SSBP2: variants seen among roughly 807,000 people sequenced by gnomAD.
The protein encoded by SSBP2 is single stranded DNA binding protein 2.
A neutral mutation model predicts 61.8 loss-of-function variants in SSBP2; 17 were observed. That is an observed-to-expected ratio of 0.28 (90% CI 0.19 to 0.41). The LOEUF is 0.41. Ranked by LOEUF, SSBP2 falls within the 10% of genes least tolerant of loss-of-function variation. The pLI is 1.00. For synonymous variants in SSBP2, 139 were observed against 141.3 expected (o/e 0.98, Z 0.12); for missense variants, 310 against 458.7 (o/e 0.68, Z 2.96).
intron 10 of SSBP2, among the ~76,000 whole-genome samples, chr5:81,455,899 T>C (rs1190931530): frequency 6.6e-6 from 1 of 152,174 alleles, no homozygotes; most frequent in Non-Finnish European, 1.5e-5. Flanking sequence ...TGAGTCCCAA[T>C]ACCCATGATT....
At chr5:81,535,351 A>G (rs2154110985) in intron 4 of SSBP2, among the ~76,000 whole-genome samples, 1 of 152,236 alleles carries the variant, frequency 6.6e-6, no homozygotes, top group East Asian at 1.9e-4. Flanking sequence ...TCAAGATGTC[A>G]GTTCTTCCTG....
At chr5:81,484,974 C>A (rs1485975711) in intron 6 of SSBP2, among the ~76,000 whole-genome samples, 1 of 152,160 alleles carries the variant, frequency 6.6e-6, no homozygotes, top group Admixed American at 6.5e-5. Context: ...ATAGGATCAA[C>A]AGATCTATAG....
At chr5:81,706,973 T>G (rs1754440605) in intron 1 of SSBP2, among the ~76,000 whole-genome samples, 1 of 152,150 alleles carries the variant, frequency 6.6e-6, no homozygotes, top group Non-Finnish European at 1.5e-5. Context: ...TCTTATGTAT[T>G]CTCATTTAAG....
At chr5:81,682,668 T>C (rs983851340) in intron 1 of SSBP2, among the ~76,000 whole-genome samples, 1 of 152,116 alleles carries the variant, frequency 6.6e-6, no homozygotes, top group African/African-American at 2.4e-5. Flanking sequence ...AAGTATCACC[T>C]GACACAATAA....
rs1765416583 is a variant in SSBP2 at position 81,473,875 on chromosome 5, C to A, written c.500-105G>T. 7.9e-6 allele frequency: 8 copies of A among 1,010,202 alleles called. No homozygotes were observed. In the East Asian group the frequency reaches 2.0e-4, roughly 25 times the overall value. 62.6% of individuals were successfully genotyped at this position (1,010,202 alleles called of 1,614,324 possible). ...TGTTACTGTCTCATTTACCAAGAGT[C>A]TGAGTACTGACACCATCTTACCTTG... On this transcript the variant is annotated intron_variant, in intron 7 of 16. Coordinates refer to ENST00000320672, the MANE Select transcript of SSBP2 (RefSeq NM_012446.5).
At chr5:81,703,826 A>C (rs1325389660) in intron 1 of SSBP2, among the ~76,000 whole-genome samples, 1 of 152,192 alleles carries the variant, frequency 6.6e-6, no homozygotes, top group African/African-American at 2.4e-5. Context: ...GCAGATCCAA[A>C]ATATGGTGAC....
chr5:81,726,144 T>G (rs1226667735), intron 1 of SSBP2, among the ~76,000 whole-genome samples: 2 of 152,152 alleles, frequency 1.3e-5, no homozygotes, highest in Non-Finnish European at 2.9e-5. Flanking sequence ...CTATTTTAAA[T>G]AAAACAAGAG....
intron 10 of SSBP2, among the ~76,000 whole-genome samples, chr5:81,459,705 T>C (rs1164146133): frequency 6.6e-6 from 1 of 152,352 alleles, no homozygotes; most frequent in Middle Eastern, 3.4e-3. Context: ...TTAAAATAAA[T>C]GTATCTTGAC....
chr5:81,654,492 A>G (rs928833204), intron 1 of SSBP2, among the ~76,000 whole-genome samples: 28 of 152,194 alleles, frequency 1.8e-4, no homozygotes, highest in African/African-American at 6.8e-4. Context: ...TTGGCCAATT[A>G]CCAAATCATG....
At chr5:81,714,092 GT>G (rs1175707358) in intron 1 of SSBP2, among the ~76,000 whole-genome samples, 1 of 152,036 alleles carries the variant, frequency 6.6e-6, no homozygotes, top group Non-Finnish European at 1.5e-5. Flanking sequence ...GGTGTGTGGT[GT>G]TTCCCTCCCT....
At chr5:81,711,970 A>T (rs1754820515) in intron 1 of SSBP2, among the ~76,000 whole-genome samples, 1 of 151,996 alleles carries the variant, frequency 6.6e-6, no homozygotes, top group Admixed American at 6.6e-5. Flanking sequence ...CACTTAGTGC[A>T]CAACTATAAG....
At chr5:81,603,156 T>G (rs1038009583) in intron 4 of SSBP2, among the ~76,000 whole-genome samples, 2 of 152,202 alleles carry the variant, frequency 1.3e-5, no homozygotes, top group Admixed American at 6.5e-5. Context: ...CTCTGGACAA[T>G]GAATGGAGAT....
intron 4 of SSBP2, among the ~76,000 whole-genome samples, chr5:81,533,604 A>C (rs1770583679): frequency 6.6e-6 from 1 of 152,136 alleles, no homozygotes; most frequent in Non-Finnish European, 1.5e-5. Flanking sequence ...AAAGCTGAAC[A>C]AACTGAGAAC....
At chr5:81,654,243 G>A (rs931216813) in intron 1 of SSBP2, among the ~76,000 whole-genome samples, 1 of 152,098 alleles carries the variant, frequency 6.6e-6, no homozygotes, top group Non-Finnish European at 1.5e-5. Context: ...GGGATTACAG[G>A]CATGAGCGAC....
chr5:81,627,114 GT>G (rs1479860720), intron 3 of SSBP2, among the ~76,000 whole-genome samples: 1 of 152,126 alleles, frequency 6.6e-6, no homozygotes, highest in Non-Finnish European at 1.5e-5. Context: ...GAAATAAAAA[GT>G]TTTCTAATTA....
At chr5:81,502,249 A>G (rs1473320549) in intron 5 of SSBP2, among the ~76,000 whole-genome samples, 2 of 152,204 alleles carry the variant, frequency 1.3e-5, no homozygotes, top group Non-Finnish European at 2.9e-5. Flanking sequence ...AATTTGACCT[A>G]TCAGCAGTAT....
chr5:81,711,710 C>A lies in SSBP2; in HGVS notation c.62+39271G>T, dbSNP rs1326856384. On this transcript the variant is annotated intron_variant, in intron 1 of 16. Coordinates refer to ENST00000320672, the MANE Select transcript of SSBP2 (RefSeq NM_012446.5). ...CTACATGATAAAAAAAAAAATAAAA[C>A]CTTTATCTCATCCAAAATAATCCCA... Among the ~76,000 whole-genome samples the A allele has an allele frequency of 2.6e-5, 4 of 151,098 alleles. No individual in the cohort carries two copies. The South Asian group carries it at 6.3e-4, about 24-fold the overall frequency.
intron 4 of SSBP2, among the ~76,000 whole-genome samples, chr5:81,584,879 C>T (rs886190487): frequency 1.3e-5 from 2 of 152,056 alleles, no homozygotes; most frequent in Non-Finnish European, 2.9e-5. Flanking sequence ...GCCTTAAATA[C>T]TTCCATATAG....
Position 81,628,115 on chromosome 5 carries a change from C to G in SSBP2, c.197+8442G>C, listed in dbSNP as rs182108560. Among the ~76,000 whole-genome samples, 314 of 152,128 alleles carry G rather than the reference C, an allele frequency of 2.1e-3. 1 individual carries two copies. The highest frequency in any genetic ancestry group is 0.018 in the South Asian group (88 of 4,818). ...TCTCAAGCTGCTAATAAAGACATAC[C>G]TGAGACTGGGTAATTTATAAAGGAA... On this transcript the variant is annotated intron_variant, in intron 3 of 16. Transcript: ENST00000320672.
Sources: allele counts gnomAD v4.1 joint callset (sites outside exome capture counted in the v4.1 genomes callset), GRCh38; gene constraint gnomAD v4.1.1; transcripts MANE v1.5; gene names NCBI Gene and HGNC (gene_info 2026-07-23, HGNC 2026-07-21).